Variants in DSP observed in about 807,000 individuals in gnomAD.
The protein encoded by DSP is desmoplakin.
DSP carries 114 observed loss-of-function variants against 290.6 expected under a neutral mutation model. That is an observed-to-expected ratio of 0.39 (90% CI 0.34 to 0.46). The LOEUF (loss-of-function observed/expected upper bound fraction) is 0.46, where lower values mean the gene tolerates loss of function less well. DSP is among the 20% of genes least tolerant of loss of function. The probability of loss-of-function intolerance (pLI) is 0.99; values close to 1 mark genes in which losing one functional copy is unlikely to be tolerated. For missense variants in DSP, 3,230 were observed against 3,495.8 expected, an observed-to-expected ratio of 0.92 and a Z score of 1.92; for synonymous variants, 1,311 against 1,316.4, an observed-to-expected ratio of 1.00 and a Z score of 0.09.
At chr6:7,545,814 A>T (rs1423365358) in intron 1 of DSP, among the ~76,000 whole-genome samples, 1 of 152,198 alleles carries the variant, frequency 6.6e-6, no homozygotes, top group Non-Finnish European at 1.5e-5. Context: ...CTGTGTCAGG[A>T]TGGGTGGGCA....
Position 7,579,739 on chromosome 6 carries a change from C to T in DSP, c.3549C>T (p.Thr1183=). 1 of 1,613,196 alleles carries T rather than the reference C, an allele frequency of 6.2e-7. No individual in the cohort carries two copies. The highest frequency in any genetic ancestry group is 8.5e-7 in the Non-Finnish European group (1 of 1,179,710). ...RLRVLLQEEG[T]RKREYENELA... ...GGGTTCTACTGCAGGAAGAAGGCAC[C>T]CGGAAGAGAGAATATGAAAATGAGC... Residue 1183 remains threonine (T), a synonymous_variant, in exon 23 of 24, where the codon ACC becomes ACT. Transcript: ENST00000379802. This position sits in a 1 kb window ranked among gnomAD's most constrained non-coding sequence, Gnocchi z 4.1.
intron 18 of DSP, among the ~76,000 whole-genome samples, 183 bp downstream of exon 18, chr6:7,575,671 C>T (rs1358293705): frequency 6.6e-6 from 1 of 152,166 alleles, no homozygotes; most frequent in Non-Finnish European, 1.5e-5. Context: ...AAGGAGAATG[C>T]ATCACGATAG....
Position 7,583,741 on chromosome 6 carries a change from G to C in DSP, c.6479G>C (p.Arg2160Pro), listed in dbSNP as rs146642551. 3.1e-6 allele frequency: 5 copies of C among 1,613,870 alleles called. No individual in the cohort carries two copies. Among genetic ancestry groups the C allele is most frequent in the Admixed American group, 3.3e-5 (2 of 59,990 alleles). The stretch of plus-strand genomic sequence containing the variant: ...GGGCTGATTGATAGAGATTTGTATC[G>C]ATCCCTGAATGATCCCCGAGATAGT... ...ARGLIDRDLY[R>P]SLNDPRDSQK... The change falls in exon 24 of 24, where the codon CGA (arginine) becomes CCA (proline). Residue 2160 changes from arginine (R) to proline (P), a missense_variant. Arg to Pro is a moderately radical substitution (Grantham distance 103, BLOSUM62 -2). Transcript: ENST00000379802. This position sits in a 1 kb window ranked among gnomAD's most constrained non-coding sequence, Gnocchi z 4.0.
chr6:7,578,601 AAATAG>A (rs1437463779), intron 22 of DSP, 39 bp downstream of exon 22: 1 of 1,457,648 alleles, frequency 6.9e-7, no homozygotes, highest in Admixed American at 1.7e-5. Flanking sequence ...TCAAAAAAGA[AAATAG>A]AATAGAACCT....
Position 7,584,879 on chromosome 6 carries a change from T to G in DSP, c.7617T>G (p.Val2539=). ...AAGATGCTATTGACAAGGGCCTTGT[T>G]GACAGGAAGTTCTTTGATCAGTACC... ...DIQDAIDKGL[V]DRKFFDQYRS... The change falls in exon 24 of 24, where the codon GTT becomes GTG. Residue 2539 remains valine, a synonymous_variant. Coordinates refer to ENST00000379802, the MANE Select transcript of DSP (RefSeq NM_004415.4). The surrounding 1 kb of genome is among the most constrained non-coding windows in gnomAD (Gnocchi z 6.4). 1 of 1,614,204 alleles carries G rather than the reference T, an allele frequency of 6.2e-7. No homozygotes were observed. Among genetic ancestry groups the G allele is most frequent in the Non-Finnish European group, 8.5e-7 (1 of 1,180,038 alleles).
Position 7,557,694 on chromosome 6 carries a change from A to G in DSP, c.274-422A>G, listed in dbSNP as rs1288091055. Among the ~76,000 whole-genome samples, 7 of 152,294 alleles carry G rather than the reference A, an allele frequency of 4.6e-5. No individual in the cohort carries two copies. The South Asian group carries it at 1.0e-3, about 23-fold the overall frequency. On this transcript the variant is annotated intron_variant, in intron 2 of 23. Transcript: ENST00000379802. Reference sequence around the variant, plus strand: ...GGCTCTGTCTCAAAAAAATAAAAATAAAAATAAAAAAAGAACTAAAACATT... The same window carrying G: ...GGCTCTGTCTCAAAAAAATAAAAATGAAAATAAAAAAAGAACTAAAACATT...
At chr6:7,542,771 C>T (rs755317948) in intron 1 of DSP, among the ~76,000 whole-genome samples, 3 of 152,190 alleles carry the variant, frequency 2.0e-5, no homozygotes, top group East Asian at 3.9e-4. Context: ...TGCCTGTTAC[C>T]TTCGGTCGTC....
rs981080040 is a variant in DSP at position 7,575,693 on chromosome 6, C to T, written c.2630+205C>T. On this transcript the variant is annotated intron_variant, in intron 18 of 23. Transcript: ENST00000379802. ...ATGCATCACGATAGCCAACCCTGTGCAGGCCAGGTGCCATCCAGGGTCTTA... is the reference window on the plus strand; with the variant it reads ...ATGCATCACGATAGCCAACCCTGTGTAGGCCAGGTGCCATCCAGGGTCTTA... 2.0e-5 allele frequency among the ~76,000 whole-genome samples: 3 copies of T among 152,202 alleles called. No homozygotes were observed. In the South Asian group the frequency reaches 6.2e-4, roughly 32 times the overall value.
chr6:7,582,139 G>GGTGTGTGTGTGTGTGT lies in DSP; in HGVS notation c.5380-490_5380-475dup, dbSNP rs10545097. On this transcript the variant is annotated intron_variant, in intron 23 of 23. Transcript: ENST00000379802. The surrounding 1 kb of genome is among the most constrained non-coding windows in gnomAD (Gnocchi z 4.2). Reference sequence around the variant, plus strand: ...GACAATATTTGTGTGTGGCTGGGTTGGTGTGTGTGTGTGTGTGTGTGTGTG... The same window carrying GGTGTGTGTGTGTGTGT: ...GACAATATTTGTGTGTGGCTGGGTTGGTGTGTGTGTGTGTGTGTGTGTGTGTGTGTGTGTGTGTGTG... Among the ~76,000 whole-genome samples, 1 of 143,792 alleles carries GGTGTGTGTGTGTGTGT rather than the reference G, an allele frequency of 7.0e-6. No individual in the cohort carries two copies. The highest frequency in any genetic ancestry group is 1.5e-5 in the Non-Finnish European group (1 of 66,026). 94.3% of individuals were successfully genotyped at this position (143,792 alleles called of 152,430 possible).
chr6:7,568,398 G>A (rs1226603798), intron 10 of DSP, 39 bp from the exon 11 acceptor site: 5 of 1,610,292 alleles, frequency 3.1e-6, no homozygotes, highest in African/African-American at 2.7e-5. Flanking sequence ...AAACTCACAG[G>A]GTATCTATGT....
In DSP at chr6:7,541,895, C is replaced by T. The variant is rs1170774396; in HGVS notation, c.-21C>T. On this transcript the variant is annotated 5_prime_UTR_variant, in exon 1 of 24. Coordinates refer to ENST00000379802, the MANE Select transcript of DSP (RefSeq NM_004415.4). ...TCGCTTATGCCTCGGCGCTGAGCCGCTCTCCCGATTGCCCGCCGACATGAG... is the reference window on the plus strand; with the variant it reads ...TCGCTTATGCCTCGGCGCTGAGCCGTTCTCCCGATTGCCCGCCGACATGAG... 3 of 1,602,622 alleles carry T rather than the reference C, an allele frequency of 1.9e-6. No individual in the cohort carries two copies. The highest frequency in any genetic ancestry group is 1.4e-5 in the African/African-American group (1 of 73,926).
chr6:7,551,793 G>A (rs1387795333), intron 1 of DSP, among the ~76,000 whole-genome samples: 1 of 152,224 alleles, frequency 6.6e-6, no homozygotes, highest in Admixed American at 6.5e-5. Flanking sequence ...AGCGAGTTCT[G>A]TGTGGATTCT....
rs1758608540 is a variant in DSP, at chr6:7,559,379, G to T, written c.576G>T (p.Leu192Phe). 1.9e-6 allele frequency: 3 copies of T among 1,612,830 alleles called. No individual in the cohort carries two copies. Among genetic ancestry groups the T allele is most frequent in the Non-Finnish European group, 2.5e-6 (3 of 1,180,022 alleles). ...CCAAACATGTCACCAGTGAATGTTT[G>T]GGGTGGATGAGGCAGCAAAGGGTAA... The part of the protein sequence containing the change: ...EFTKHVTSEC[L>F]GWMRQQRAEM... The change falls in exon 4 of 24, where the codon TTG becomes TTT. Residue 192 changes from leucine to phenylalanine, a missense_variant. By Grantham distance (22) the Leu-to-Phe change is conservative (BLOSUM62 0). Coordinates refer to ENST00000379802, the MANE Select transcript of DSP (RefSeq NM_004415.4).
chr6:7,555,748 C>T lies in DSP; in HGVS notation c.201C>T (p.Asn67=), dbSNP rs774432635. Residue 67 remains asparagine, a synonymous_variant, in exon 2 of 24, where the codon AAC becomes AAT. Coordinates refer to ENST00000379802, the MANE Select transcript of DSP (RefSeq NM_004415.4). The stretch of plus-strand genomic sequence containing the variant: ...CCGGCACGATGTCCAGGCACCAGAA[C>T]CAGAACACCATCCAGGAGCTGCTGC... The part of the protein sequence containing the change: ...CQTGTMSRHQ[N]QNTIQELLQN... 2.4e-5 allele frequency: 38 copies of T among 1,614,148 alleles called. No individual in the cohort carries two copies. The highest frequency in any genetic ancestry group is 4.0e-5 in the African/African-American group (3 of 74,962).
rs1370421638 is a variant in DSP, at chr6:7,571,644, A to G, written c.1903+60A>G. ...ATCCATACCATTTTAAAAAGAAGGG[A>G]GTTTGCATAAAACTGGTTTCAGAAC... On this transcript the variant is annotated intron_variant, in intron 14 of 23. Transcript: ENST00000379802. The G allele has an allele frequency of 1.9e-6, 3 of 1,604,968 alleles. No homozygotes were observed. The African/African-American group carries it at 4.0e-5, about 21-fold the overall frequency.
rs762948095 is a variant in DSP at position 7,558,268 on chromosome 6, T to C, written c.422+4T>C. The C allele has an allele frequency of 1.2e-5, 20 of 1,613,616 alleles. No homozygotes were observed. Among genetic ancestry groups the C allele is most frequent in the African/African-American group, 2.7e-5 (2 of 75,028 alleles). On this transcript the variant is annotated splice_donor_region_variant and intron_variant, in intron 3 of 23. Transcript: ENST00000379802. Reference sequence around the variant, plus strand: ...CCTGTGATGCTTACCAGAAAAGGTATTGTCCACAGAGCATGGATCGGGCAG... The same window carrying C: ...CCTGTGATGCTTACCAGAAAAGGTACTGTCCACAGAGCATGGATCGGGCAG...
rs1759532262 is a variant in DSP, at chr6:7,583,684, T to G, written c.6422T>G (p.Val2141Gly). The G allele has an allele frequency of 6.2e-7, 1 of 1,614,116 alleles. No homozygotes were observed. Among genetic ancestry groups the G allele is most frequent in the Non-Finnish European group, 8.5e-7 (1 of 1,180,026 alleles). The change falls in exon 24 of 24, where the codon GTC becomes GGC. Residue 2141 changes from valine (V) to glycine (G), a missense_variant. Coordinates refer to ENST00000379802, the MANE Select transcript of DSP (RefSeq NM_004415.4). This position sits in a 1 kb window ranked among gnomAD's most constrained non-coding sequence, Gnocchi z 4.0. ...SGGVVDPVNSVFLPKDVALAR... is the reference protein window; with the variant it reads ...SGGVVDPVNSGFLPKDVALAR... Reference sequence around the variant, plus strand: ...GGTGTAGTAGACCCTGTGAACAGTGTCTTTTTGCCAAAAGATGTCGCCTTG... The same window carrying G: ...GGTGTAGTAGACCCTGTGAACAGTGGCTTTTTGCCAAAAGATGTCGCCTTG...
At chr6:7,572,800 G>A (rs1184226762) in intron 15 of DSP, among the ~76,000 whole-genome samples, 3 of 152,110 alleles carry the variant, frequency 2.0e-5, no homozygotes, top group South Asian at 2.1e-4. Flanking sequence ...TCATGCAAGC[G>A]CCATAGAGCA....
Position 7,585,413 on chromosome 6 carries a change from G to C in DSP, c.8151G>C (p.Trp2717Cys), listed in dbSNP as rs1345140217. The change falls in exon 24 of 24, where the codon TGG becomes TGC. Residue 2717 changes from tryptophan (W) to cysteine (C), a missense_variant. This residue lies in a region of DSP where 582 missense variants were observed against 555.4 expected (regional missense o/e 1.05). Transcript: ENST00000379802. Reference sequence around the variant, plus strand: ...CAGCAGAGGCAGTGAAAGAAAAATGGCTCCCGTATGAGGCTGGCCAGCGCT... The same window carrying C: ...CAGCAGAGGCAGTGAAAGAAAAATGCCTCCCGTATGAGGCTGGCCAGCGCT... Reference protein sequence around the residue: ...MSAAEAVKEKWLPYEAGQRFL... With the variant: ...MSAAEAVKEKCLPYEAGQRFL... The C allele has an allele frequency of 1.6e-5, 26 of 1,614,148 alleles. No homozygotes were observed. The highest frequency in any genetic ancestry group is 2.1e-5 in the Non-Finnish European group (25 of 1,180,004).
Sources: allele counts gnomAD v4.1 joint callset (sites outside exome capture counted in the v4.1 genomes callset), GRCh38; gene constraint gnomAD v4.1.1; regional missense constraint gnomAD v4.1.1; non-coding constraint Gnocchi (gnomAD v3.1); transcripts MANE v1.5; gene names NCBI Gene and HGNC (gene_info 2026-07-23, HGNC 2026-07-21).